Variants in LRP1B observed in about 807,000 individuals in gnomAD.
LRP1B encodes the protein low-density lipoprotein receptor-related protein 1B.
LRP1B carries 217 observed loss-of-function variants against 556.6 expected under a neutral mutation model. The observed-to-expected ratio is 0.39, with a 90% CI of 0.35 to 0.44. The LOEUF is 0.44. Among genes scored for constraint, LRP1B ranks in the 20% least tolerant of loss-of-function variants. The pLI is 1.00. For missense variants in LRP1B, 5,053 were observed against 5,620.8 expected, an observed-to-expected ratio of 0.90 and a Z score of 3.23; for synonymous variants, 2,047 against 1,865.8, an observed-to-expected ratio of 1.10 and a Z score of -2.50.
intron 18 of LRP1B, among the ~76,000 whole-genome samples, 176 bp downstream of exon 18, chr2:140,981,984 A>G (rs1380822876): frequency 6.6e-6 from 1 of 152,222 alleles, no homozygotes; most frequent in Non-Finnish European, 1.5e-5. Flanking sequence ...GGAATTATTC[A>G]GAAGTTATCA....
At chr2:141,610,144 T>G (rs1688056435) in intron 2 of LRP1B, among the ~76,000 whole-genome samples, 1 of 152,104 alleles carries the variant, frequency 6.6e-6, no homozygotes, top group Admixed American at 6.6e-5. Flanking sequence ...AATGAACCTC[T>G]TCTTCGATAC....
At chr2:140,542,029 A>G (rs1298650352) in intron 43 of LRP1B, 58 bp from the exon 44 acceptor site, 2 of 1,146,156 alleles carry the variant, frequency 1.7e-6, no homozygotes, top group Non-Finnish European at 2.4e-6. Flanking sequence ...TTATACGTCC[A>G]CACCTATTTT....
intron 35 of LRP1B, among the ~76,000 whole-genome samples, chr2:140,728,971 A>G (rs896037674): frequency 6.6e-6 from 1 of 152,066 alleles, no homozygotes; most frequent in Non-Finnish European, 1.5e-5. Context: ...AAACTTTAAA[A>G]TATAAAGTAT....
intron 1 of LRP1B, among the ~76,000 whole-genome samples, chr2:142,081,595 A>G (rs1323483201): frequency 2.6e-5 from 4 of 152,174 alleles, no homozygotes; most frequent in East Asian, 3.9e-4. Flanking sequence ...ATATTAGTTC[A>G]ATTTGAATTT....
chr2:140,976,526 A>G (rs1448696389), intron 18 of LRP1B, among the ~76,000 whole-genome samples: 30 of 49,394 alleles, frequency 6.1e-4, no homozygotes, highest in Non-Finnish European at 8.6e-4. Context: ...TTTTTTTTTG[A>G]GATGGAGTCT....
intron 71 of LRP1B, among the ~76,000 whole-genome samples, chr2:140,368,943 G>T (rs1397935297): frequency 6.6e-6 from 1 of 151,790 alleles, no homozygotes; most frequent in Non-Finnish European, 1.5e-5. Flanking sequence ...CAGCAGCAAA[G>T]AAAACCAAGT....
chr2:140,564,440 A>G (rs1681051965), intron 43 of LRP1B, among the ~76,000 whole-genome samples: 1 of 152,260 alleles, frequency 6.6e-6, no homozygotes, highest in South Asian at 2.1e-4. Flanking sequence ...TTATTTCTAA[A>G]TGGTACCAGA....
chr2:141,318,904 T>G (rs1310367111), intron 3 of LRP1B, among the ~76,000 whole-genome samples: 1 of 152,130 alleles, frequency 6.6e-6, no homozygotes, highest in Non-Finnish European at 1.5e-5. Context: ...ACTAGATCAC[T>G]GGGATAAATT....
intron 35 of LRP1B, among the ~76,000 whole-genome samples, 176 bp from the exon 36 acceptor site, chr2:140,716,992 G>T (rs1432923642): frequency 1.3e-5 from 2 of 151,798 alleles, no homozygotes; most frequent in Admixed American, 6.6e-5. Context: ...AGCATGAAAA[G>T]AACATGAAAG....
chr2:140,591,275 T>C lies in LRP1B; in HGVS notation c.7194+7356A>G, dbSNP rs79706393. ...TTTTATAATATACTTGATTGCAATG[T>C]CCATCATGTAAAAGGTACTGGATAT... is the stretch of plus-strand genomic sequence containing the variant. On this transcript the variant is annotated intron_variant, in intron 43 of 90. Coordinates refer to ENST00000389484, the MANE Select transcript of LRP1B (RefSeq NM_018557.3). Among the ~76,000 whole-genome samples the C allele has an allele frequency of 6.4e-3, 982 of 152,304 alleles. 10 individuals are homozygous for C. The highest frequency in any genetic ancestry group is 0.022 in the African/African-American group (895 of 41,554).
chr2:140,335,860 C>T (rs2105087432), intron 77 of LRP1B, 22 bp from the exon 78 acceptor site: 1 of 1,439,434 alleles, frequency 6.9e-7, no homozygotes, highest in Non-Finnish European at 9.8e-7. Flanking sequence ...CAAAACAACA[C>T]ACCACGGTAT....
intron 2 of LRP1B, among the ~76,000 whole-genome samples, chr2:141,726,799 T>C (rs1391390078): frequency 1.3e-5 from 2 of 152,120 alleles, no homozygotes; most frequent in Non-Finnish European, 2.9e-5. Flanking sequence ...GGATAACTTA[T>C]AAAGTTTGTT....
chr2:141,659,881 A>G (rs1057440812), intron 2 of LRP1B, among the ~76,000 whole-genome samples: 1 of 152,158 alleles, frequency 6.6e-6, no homozygotes, highest in Non-Finnish European at 1.5e-5. Flanking sequence ...ACTAAGGGAG[A>G]GTGATAAATG....
intron 82 of LRP1B, among the ~76,000 whole-genome samples, chr2:140,315,815 G>T (rs1402929172): frequency 1.3e-5 from 2 of 152,124 alleles, no homozygotes; most frequent in African/African-American, 4.8e-5. Flanking sequence ...ATAGTATAGA[G>T]AAATGTTTAC....
At chr2:141,711,172 A>G (rs1465656865) in intron 2 of LRP1B, among the ~76,000 whole-genome samples, 1 of 152,130 alleles carries the variant, frequency 6.6e-6, no homozygotes, top group East Asian at 1.9e-4. Context: ...ATGCAAAACC[A>G]TACTTGAAAC....
intron 1 of LRP1B, among the ~76,000 whole-genome samples, chr2:142,088,200 C>A (rs1470460334): frequency 1.3e-5 from 2 of 152,196 alleles, no homozygotes; most frequent in East Asian, 3.9e-4. Flanking sequence ...TAAAGGATAT[C>A]AGTTATACTA....
At chr2:141,415,234 G>T (rs559674200) in intron 3 of LRP1B, among the ~76,000 whole-genome samples, 227 of 152,020 alleles carry the variant, frequency 1.5e-3, no homozygotes, top group African/African-American at 4.9e-3. Context: ...AGGATGGTCT[G>T]GATCTCTTGA....
chr2:140,492,505 A>T (rs76011498), intron 57 of LRP1B, 103 bp downstream of exon 57: 31,411 of 722,930 alleles, frequency 0.043, 877 homozygotes, highest in Non-Finnish European at 0.046. Context: ...CCTGACAACT[A>T]AAAATATGCT....
chr2:141,863,264 G>A lies in LRP1B; in HGVS notation c.83-52863C>T, dbSNP rs527822901. On this transcript the variant is annotated intron_variant, in intron 1 of 90. Coordinates refer to ENST00000389484, the MANE Select transcript of LRP1B (RefSeq NM_018557.3). ...TTGAGCTTCTACAATCTGCCCAGCA[G>A]CTGCAAGGACTGAGCATAGTGGTAG... Among the ~76,000 whole-genome samples, 5 of 152,310 alleles carry A rather than the reference G, an allele frequency of 3.3e-5. No homozygotes were observed. In the South Asian group the frequency reaches 1.0e-3, roughly 32 times the overall value.
Sources: gnomAD v4.1 joint callset for allele counts (sites outside exome capture counted in the v4.1 genomes callset) on GRCh38, gnomAD v4.1.1 for gene constraint, MANE v1.5 for transcripts, NCBI Gene and HGNC (gene_info 2026-07-23, HGNC 2026-07-21) for gene names.